Variants in GK3 observed in about 807,000 individuals in gnomAD.
GK3 encodes the protein glycerol kinase 3 pseudogene.
At chr4:165,279,037 A>G in the GK3 span, 6 of 1,505,284 alleles carry the variant, frequency 4.0e-6, no homozygotes, top group South Asian at 1.1e-5. Context: ...GCATAGTCCT[A>G]CTTGCATTTG....
chr4:165,278,005 C>T, the GK3 span: 1 of 1,439,334 alleles, frequency 6.9e-7, no homozygotes, highest in South Asian at 1.1e-5. Flanking sequence ...CTGAGATGTA[C>T]CTTGCTCCGA....
At chr4:165,277,920 T>C in the GK3 span, 2 of 889,704 alleles carry the variant, frequency 2.2e-6, no homozygotes, top group South Asian at 1.3e-5. Context: ...TAAGAGACAA[T>C]TGCTGGGTTG....
chr4:165,279,259 T>G, the GK3 span: 1 of 1,534,048 alleles, frequency 6.5e-7, no homozygotes, highest in Non-Finnish European at 9.0e-7. Flanking sequence ...TTCCTGGAAT[T>G]CTTTTACTAA....
the GK3 span, chr4:165,278,591 A>G: frequency 3.7e-6 from 6 of 1,603,264 alleles, no homozygotes; most frequent in Non-Finnish European, 5.1e-6. Flanking sequence ...AGAAGTACCT[A>G]CTTCTTTAGC....
chr4:165,278,471 A>G, the GK3 span: 1 of 1,576,560 alleles, frequency 6.3e-7, no homozygotes, highest in Non-Finnish European at 8.7e-7. Flanking sequence ...AGCAAAAGCA[A>G]TATGGCATTT....
At chr4:165,279,191 A>G in the GK3 span, 1 of 1,570,860 alleles carries the variant, frequency 6.4e-7, no homozygotes, top group Non-Finnish European at 8.8e-7. Flanking sequence ...GCGAAGTTTC[A>G]CTGCACTGAA....
the GK3 span, chr4:165,277,941 A>T: frequency 3.2e-6 from 3 of 944,852 alleles, no homozygotes; most frequent in Admixed American, 5.1e-5. Flanking sequence ...TTCTTTCATT[A>T]TGTAAAAAGC....
chr4:165,279,271 A>C, the GK3 span: 1,134 of 1,534,008 alleles, frequency 7.4e-4, 6 homozygotes, highest in African/African-American at 3.8e-3. Context: ...TTTTACTAAG[A>C]CTCTCAACGG....
the GK3 span, chr4:165,279,500 C>A: frequency 2.9e-5 from 46 of 1,569,450 alleles, no homozygotes; most frequent in Admixed American, 1.7e-5. Flanking sequence ...CCATCCTTCT[C>A]TTGGGAACTC....
At chr4:165,279,508 C>T in the GK3 span, 8 of 1,570,252 alleles carry the variant, frequency 5.1e-6, no homozygotes, top group Non-Finnish European at 7.0e-6. Flanking sequence ...CTCTTGGGAA[C>T]TCTTGTTTTA....
the GK3 span, chr4:165,278,077 G>T: frequency 1.3e-6 from 2 of 1,544,438 alleles, no homozygotes; most frequent in Middle Eastern, 1.8e-4. Context: ...AGACACTAGG[G>T]TCACCACCTT....
the GK3 span, chr4:165,278,755 A>G: frequency 1.3e-6 from 2 of 1,580,714 alleles, no homozygotes; most frequent in African/African-American, 2.7e-5. Context: ...GAAGGCCATG[A>G]TCAGAAAATA....
At chr4:165,278,112 C>T in the GK3 span, 23 of 1,555,374 alleles carry the variant, frequency 1.5e-5, no homozygotes, top group East Asian at 4.7e-4. Context: ...GTAACCCAAC[C>T]CATTGACTTC....
chr4:165,279,397 G>A, the GK3 span: 1 of 1,587,812 alleles, frequency 6.3e-7, no homozygotes, highest in Admixed American at 1.7e-5. Flanking sequence ...CTTTTATGTT[G>A]GAAATACCAA....
At chr4:165,278,631 T>G in the GK3 span, 6 of 1,591,560 alleles carry the variant, frequency 3.8e-6, no homozygotes, top group Non-Finnish European at 4.3e-6. Flanking sequence ...GAGGTCTTTA[T>G]AATTCCAAGA....
the GK3 span, chr4:165,278,548 C>T: frequency 1.2e-6 from 2 of 1,611,344 alleles, no homozygotes; most frequent in African/African-American, 1.3e-5. Context: ...GTGCATATAA[C>T]CCCGAAAATG....
chr4:165,278,621 G>A, the GK3 span: 2 of 1,588,978 alleles, frequency 1.3e-6, no homozygotes, highest in Non-Finnish European at 1.7e-6. Context: ...AATTTCTTCT[G>A]AGGTCTTTAT....
chr4:165,277,815 G>A, the GK3 span: 5 of 643,056 alleles, frequency 7.8e-6, no homozygotes, highest in South Asian at 9.0e-5. Flanking sequence ...TCTTTTTGCT[G>A]CATTTTCTTT....
the GK3 span, chr4:165,279,131 C>T: frequency 8.7e-6 from 14 of 1,601,910 alleles, no homozygotes; most frequent in African/African-American, 1.3e-5. Flanking sequence ...AAAAAGAGCT[C>T]GTTTTTCTTC....
Sources: allele counts gnomAD v4.1 joint callset, GRCh38; gene constraint gnomAD v4.1.1; transcripts MANE v1.5; gene names NCBI Gene and HGNC (gene_info 2026-07-23, HGNC 2026-07-21).